DENND1A: variants seen among roughly 807,000 people sequenced by gnomAD.
DENND1A encodes DENN domain containing 1A.
A neutral mutation model predicts 113.7 loss-of-function variants in DENND1A; 51 were observed. That is an observed-to-expected ratio of 0.45 (90% CI 0.36 to 0.57). DENND1A has a LOEUF of 0.57. DENND1A is among the 20% of genes least tolerant of loss of function. The pLI, the probability that DENND1A is intolerant of heterozygous loss-of-function variation, is 0.00. For synonymous variants in DENND1A, 565 were observed against 570.8 expected, an observed-to-expected ratio of 0.99 and a Z score of 0.14; for missense variants, 1,258 against 1,395.9, an observed-to-expected ratio of 0.90 and a Z score of 1.57.
Position 123,586,802 on chromosome 9 carries a change from G to A in DENND1A, c.766-3532C>T, listed in dbSNP as rs769362329. Among the ~76,000 whole-genome samples, 7 of 152,084 alleles carry A rather than the reference G, an allele frequency of 4.6e-5. No individual in the cohort carries two copies. The South Asian group carries it at 6.2e-4, about 14-fold the overall frequency. ...CGGATGAGAAGAAAGCCAGACCGTC[G>A]CCAGGTGCCGGTGCCTCTCATCTTA... is the stretch of plus-strand genomic sequence containing the variant. On this transcript the variant is annotated intron_variant, in intron 11 of 23. Coordinates refer to ENST00000394215, the MANE Select transcript of DENND1A (RefSeq NM_001352964.2).
chr9:123,889,054 A>G (rs1849532941), intron 1 of DENND1A, among the ~76,000 whole-genome samples: 1 of 150,294 alleles, frequency 6.7e-6, no homozygotes, highest in Non-Finnish European at 1.5e-5. Context: ...ATAAGATTCT[A>G]GTTCCTGGAA....
At chr9:123,920,301 G>A (rs1401343204) in intron 1 of DENND1A, among the ~76,000 whole-genome samples, 2 of 151,958 alleles carry the variant, frequency 1.3e-5, no homozygotes, top group Non-Finnish European at 2.9e-5. Context: ...CATGGTGGCA[G>A]GTGCCTGTAA....
At chr9:123,711,486 A>ATATAT (rs1554970514) in intron 5 of DENND1A, among the ~76,000 whole-genome samples, 4 of 101,788 alleles carry the variant, frequency 3.9e-5, no homozygotes, top group African/African-American at 1.5e-4. Flanking sequence ...TAAATTAAAA[A>ATATAT]ATATATATAT....
At chr9:123,903,326 C>T (rs1432375270) in intron 1 of DENND1A, among the ~76,000 whole-genome samples, 5 of 87,530 alleles carry the variant, frequency 5.7e-5, no homozygotes, top group African/African-American at 2.7e-4. Context: ...AGCGAGACTC[C>T]GTCTCAAAAA....
chr9:123,917,613 G>A (rs1035039751), intron 1 of DENND1A, among the ~76,000 whole-genome samples: 4 of 152,024 alleles, frequency 2.6e-5, no homozygotes, highest in African/African-American at 9.7e-5. Flanking sequence ...TCTGACCCCT[G>A]GAGAATCCTA....
chr9:123,432,522 A>G (rs2046210765), intron 19 of DENND1A, among the ~76,000 whole-genome samples: 1 of 152,244 alleles, frequency 6.6e-6, no homozygotes, highest in African/African-American at 2.4e-5. Flanking sequence ...GGATCAGAGC[A>G]GGAGGAGCTG....
At chr9:123,774,524 A>C (rs1830190734) in intron 3 of DENND1A, among the ~76,000 whole-genome samples, 1 of 152,126 alleles carries the variant, frequency 6.6e-6, no homozygotes. Context: ...TAAATCTAAG[A>C]TCCATAGTAT....
intron 13 of DENND1A, among the ~76,000 whole-genome samples, chr9:123,532,721 G>C (rs1203503166): frequency 6.6e-6 from 1 of 152,160 alleles, no homozygotes. Context: ...TCTTTTAAGA[G>C]AATTAAAAAC....
intron 2 of DENND1A, among the ~76,000 whole-genome samples, chr9:123,872,841 T>C (rs1016372499): frequency 2.6e-5 from 4 of 152,116 alleles, no homozygotes; most frequent in Non-Finnish European, 4.4e-5. Context: ...TAGAACAAAA[T>C]GTATACTAAA....
At chr9:123,893,100 A>G (rs1850181032) in intron 1 of DENND1A, among the ~76,000 whole-genome samples, 1 of 149,876 alleles carries the variant, frequency 6.7e-6, no homozygotes, top group African/African-American at 2.5e-5. Context: ...GTACAGGATT[A>G]TATGTTTTTA....
chr9:123,603,747 A>T (rs1433585558), intron 11 of DENND1A, among the ~76,000 whole-genome samples: 1 of 152,216 alleles, frequency 6.6e-6, no homozygotes, highest in African/African-American at 2.4e-5. Flanking sequence ...ATTCATAAAA[A>T]GTACTTGAAA....
chr9:123,525,758 C>CCT (rs2054783248), intron 13 of DENND1A, among the ~76,000 whole-genome samples: 1 of 129,844 alleles, frequency 7.7e-6, no homozygotes, highest in African/African-American at 2.9e-5. Context: ...TGCAGTCTAC[C>CCT]TTTTTTTTTT....
At chr9:123,424,998 T>TA (rs1318712115) in intron 19 of DENND1A, among the ~76,000 whole-genome samples, 5 of 152,228 alleles carry the variant, frequency 3.3e-5, no homozygotes, top group African/African-American at 1.2e-4. Context: ...CTGCCAGGGC[T>TA]AGGGACTGAT....
At chr9:123,772,947 T>C (rs140764609) in intron 3 of DENND1A, among the ~76,000 whole-genome samples, 20 of 152,306 alleles carry the variant, frequency 1.3e-4, no homozygotes, top group African/African-American at 4.6e-4. Context: ...ACATAACTTA[T>C]TGGAGACAAC....
At chr9:123,861,969 C>T (rs1845121529) in intron 2 of DENND1A, among the ~76,000 whole-genome samples, 1 of 152,138 alleles carries the variant, frequency 6.6e-6, no homozygotes, top group South Asian at 2.1e-4. Context: ...AGTGCAAATG[C>T]CAGGCAAATC....
chr9:123,621,480 T>C (rs2060962931), intron 10 of DENND1A, among the ~76,000 whole-genome samples: 2 of 152,156 alleles, frequency 1.3e-5, no homozygotes. Context: ...CCACCATACC[T>C]GGCCTCAGTT....
At chr9:123,742,969 C>G (rs1404501161) in intron 5 of DENND1A, among the ~76,000 whole-genome samples, 1 of 152,134 alleles carries the variant, frequency 6.6e-6, no homozygotes, top group Non-Finnish European at 1.5e-5. Context: ...TCATTTCTCC[C>G]CCTGAAAAAA....
intron 13 of DENND1A, among the ~76,000 whole-genome samples, chr9:123,524,899 GA>G (rs1480785063): frequency 6.6e-6 from 1 of 152,210 alleles, no homozygotes; most frequent in Non-Finnish European, 1.5e-5. Flanking sequence ...GAGGAGATGG[GA>G]AGAATTTCAA....
At chr9:123,823,055 G>C (rs1421954583) in intron 2 of DENND1A, among the ~76,000 whole-genome samples, 2 of 152,130 alleles carry the variant, frequency 1.3e-5, no homozygotes, top group African/African-American at 2.4e-5. Context: ...CCTTTCAACA[G>C]ATACTTATTG....
Sources: gnomAD v4.1 joint callset for allele counts (sites outside exome capture counted in the v4.1 genomes callset) on GRCh38, gnomAD v4.1.1 for gene constraint, MANE v1.5 for transcripts, NCBI Gene and HGNC (gene_info 2026-07-23, HGNC 2026-07-21) for gene names.